Variants in PPP4R2 observed in about 807,000 individuals in gnomAD.
PPP4R2 encodes protein phosphatase 4 regulatory subunit 2, also known as serine/threonine-protein phosphatase 4 regulatory subunit 2.
PPP4R2 carries 13 observed loss-of-function variants against 47.2 expected under a neutral mutation model. The ratio of observed to expected loss-of-function variants is 0.28; its 90% confidence interval spans 0.18 to 0.44. PPP4R2 has a LOEUF of 0.44. Among genes scored for constraint, PPP4R2 ranks in the 20% least tolerant of loss-of-function variants. PPP4R2 has a pLI of 1.00. For missense variants in PPP4R2, 421 were observed against 491.2 expected (o/e 0.86, Z 1.35); for synonymous variants, 151 against 163.3 (o/e 0.92, Z 0.57).
chr3:73,047,172 T>C lies in PPP4R2; in HGVS notation c.117-14T>C, dbSNP rs1308885968. 6.8e-7 allele frequency: 1 copy of C among 1,477,586 alleles called. No homozygotes were observed. The highest frequency in any genetic ancestry group is 1.4e-5 in the African/African-American group (1 of 70,198). The allele number at this position is 1,477,586 out of a possible 1,614,324, so 91.5% of individuals were successfully genotyped here. A position where few individuals can be genotyped will look rare whatever the true frequency, so the allele number is the denominator to read the frequency against. Reference sequence around the variant, plus strand: ...CTACATGGTATTATATATTTTTTAATTTTTTGCTTATAGGATTCAGTGGTC... The same window carrying C: ...CTACATGGTATTATATATTTTTTAACTTTTTGCTTATAGGATTCAGTGGTC... On this transcript the variant is annotated splice_polypyrimidine_tract_variant and intron_variant, in intron 2 of 8. Coordinates refer to ENST00000356692, the MANE Select transcript of PPP4R2 (RefSeq NM_174907.4).
At chr3:73,056,444 A>T (rs1458120122) in intron 3 of PPP4R2, among the ~76,000 whole-genome samples, 4 of 152,208 alleles carry the variant, frequency 2.6e-5, no homozygotes, top group African/African-American at 9.7e-5. Flanking sequence ...AGACCTTTCA[A>T]TGCTGTTACG....
chr3:73,016,578 A>G (rs912774692), intron 2 of PPP4R2, among the ~76,000 whole-genome samples: 2 of 152,176 alleles, frequency 1.3e-5, no homozygotes, highest in East Asian at 1.9e-4. Flanking sequence ...AAGACCACCA[A>G]TTAAGGTCTT....
intron 7 of PPP4R2, 83 bp downstream of exon 7, chr3:73,064,229 A>G: frequency 1.6e-6 from 2 of 1,220,480 alleles, no homozygotes; most frequent in Admixed American, 2.7e-5. Context: ...CTTACTATTT[A>G]TAAGTTCTGA....
At chr3:73,047,884 T>A (rs1431010665) in intron 3 of PPP4R2, among the ~76,000 whole-genome samples, 1 of 152,122 alleles carries the variant, frequency 6.6e-6, no homozygotes. Context: ...TGTTTTGTTT[T>A]GTTTGTTTTT....
intron 2 of PPP4R2, chr3:73,016,259 A>G (rs1234279719): frequency 7.3e-6 from 1 of 137,742 alleles, no homozygotes; most frequent in Admixed American, 7.2e-5. Flanking sequence ...TAATTCTATA[A>G]TATTCTCGTT....
chr3:73,025,565 G>A (rs1443954029), intron 2 of PPP4R2, among the ~76,000 whole-genome samples: 2 of 152,106 alleles, frequency 1.3e-5, no homozygotes, highest in Non-Finnish European at 2.9e-5. Flanking sequence ...TGCTTTGGGA[G>A]CAGTAACTTA....
chr3:73,063,267 G>C (rs1702909992), intron 5 of PPP4R2: 1 of 283,202 alleles, frequency 3.5e-6, no homozygotes, highest in Non-Finnish European at 6.9e-6. Context: ...GGGGAGTGTT[G>C]GGTGGAATCA....
Position 73,063,665 on chromosome 3 carries a change from T to C in PPP4R2, c.420-8T>C. 6.5e-7 allele frequency: 1 copy of C among 1,540,184 alleles called. No homozygotes were observed. Among genetic ancestry groups the C allele is most frequent in the South Asian group, 1.1e-5 (1 of 89,050 alleles). On this transcript the variant is annotated splice_region_variant and splice_polypyrimidine_tract_variant and intron_variant, in intron 5 of 8. Transcript: ENST00000356692. ...AGTCATCCACAAGTGTATTTTCTTT[T>C]CTTATAGGAAAAACAATTCCAATAG...
Position 73,043,726 on chromosome 3 carries a change from A to G in PPP4R2, c.117-3460A>G, listed in dbSNP as rs185487642. ...TCATATGCTTATTGGCCATTTGTGTATCTTCTTTGTGGGGAAATACCTATT... is the reference window on the plus strand; with the variant it reads ...TCATATGCTTATTGGCCATTTGTGTGTCTTCTTTGTGGGGAAATACCTATT... On this transcript the variant is annotated intron_variant, in intron 2 of 8. Transcript: ENST00000356692. Among the ~76,000 whole-genome samples the G allele has an allele frequency of 3.9e-3, 601 of 152,294 alleles. 7 individuals carry two copies. The highest frequency in any genetic ancestry group is 0.013 in the African/African-American group (545 of 41,568).
chr3:73,062,379 A>AT, intron 5 of PPP4R2: 1 of 1,607,288 alleles, frequency 6.2e-7, no homozygotes, highest in Non-Finnish European at 8.5e-7. Flanking sequence ...CATTGGGGAT[A>AT]TTAAGGACAT....
At chr3:73,055,666 G>T (rs1031029413) in intron 3 of PPP4R2, among the ~76,000 whole-genome samples, 1 of 108,408 alleles carries the variant, frequency 9.2e-6, no homozygotes, top group Non-Finnish European at 1.9e-5. Context: ...TAAACCAAAC[G>T]CTTTTTTTTT....
chr3:73,044,058 T>C (rs1306529852), intron 2 of PPP4R2, among the ~76,000 whole-genome samples: 1 of 150,842 alleles, frequency 6.6e-6, no homozygotes, highest in East Asian at 1.9e-4. Flanking sequence ...ATGTCAGAAT[T>C]TCTTTCAGAT....
intron 2 of PPP4R2, among the ~76,000 whole-genome samples, chr3:73,020,446 G>C (rs1270905025): frequency 6.6e-6 from 1 of 152,110 alleles, no homozygotes; most frequent in Non-Finnish European, 1.5e-5. Context: ...CGGATCGCTT[G>C]AGCCCAGGAG....
chr3:73,019,758 A>G (rs933380973), intron 2 of PPP4R2, among the ~76,000 whole-genome samples: 20 of 151,802 alleles, frequency 1.3e-4, no homozygotes, highest in Middle Eastern at 6.3e-3. Context: ...GTGAAAGTGT[A>G]TTCTGAGTGA....
Position 73,065,648 on chromosome 3 carries a change from A to G in PPP4R2, c.1180A>G (p.Ile394Val). The change falls in exon 9 of 9, where the codon ATT becomes GTT. Residue 394 changes from isoleucine (I) to valine (V), a missense_variant. Physicochemically the swap from Ile to Val is conservative, Grantham distance 29. Around this residue, in one of 2 missense-constraint regions of PPP4R2, gnomAD observed 317 missense variants for 287.5 expected, o/e 1.10. Coordinates refer to ENST00000356692, the MANE Select transcript of PPP4R2 (RefSeq NM_174907.4). ...ATCCAATTCCAGTAAAACTGGAGAG[A>G]TTCTTTCAGAATCATCCATGGAAAA... is the stretch of plus-strand genomic sequence containing the variant. ...VGSNSSKTGEILSESSMENDD... is the reference protein window; with the variant it reads ...VGSNSSKTGEVLSESSMENDD... 1 of 1,612,140 alleles carries G rather than the reference A, an allele frequency of 6.2e-7. No homozygotes were observed. Among genetic ancestry groups the G allele is most frequent in the Non-Finnish European group, 8.5e-7 (1 of 1,178,314 alleles).
chr3:73,057,811 T>C (rs918463066), intron 3 of PPP4R2, among the ~76,000 whole-genome samples: 2 of 152,148 alleles, frequency 1.3e-5, no homozygotes, highest in Non-Finnish European at 2.9e-5. Context: ...TTAGAGAGAC[T>C]GAGTTTGAGT....
chr3:73,016,540 T>A (rs997640947), intron 2 of PPP4R2, among the ~76,000 whole-genome samples: 2 of 152,180 alleles, frequency 1.3e-5, no homozygotes, highest in African/African-American at 4.8e-5. Context: ...AGTTTTCTTC[T>A]AGGACCTCTG....
chr3:73,063,065 G>T, intron 5 of PPP4R2: 1 of 704,274 alleles, frequency 1.4e-6, no homozygotes, highest in Non-Finnish European at 2.4e-6. Context: ...TTTGAGTTTG[G>T]GGGTGTACTT....
intron 5 of PPP4R2, chr3:73,062,361 C>T (rs1416631362): frequency 2.5e-6 from 4 of 1,606,506 alleles, no homozygotes; most frequent in Non-Finnish European, 3.4e-6. Context: ...ATTGGAACCC[C>T]AACCCAGCAT....
Sources: allele counts gnomAD v4.1 joint callset (sites outside exome capture counted in the v4.1 genomes callset), GRCh38; gene constraint gnomAD v4.1.1; regional missense constraint gnomAD v4.1.1; transcripts MANE v1.5; gene names NCBI Gene and HGNC (gene_info 2026-07-23, HGNC 2026-07-21).